Variants in INTU observed in about 807,000 individuals in gnomAD.
The protein encoded by INTU is protein inturned.
A neutral mutation model predicts 100.5 loss-of-function variants in INTU; 68 were observed. The ratio of observed to expected loss-of-function variants is 0.68; its 90% CI spans 0.56 to 0.83. INTU has a LOEUF of 0.83. Among genes scored for constraint, INTU ranks in the 40% least tolerant of loss-of-function variants. The probability of loss-of-function intolerance (pLI) is 0.00; values close to 1 mark genes in which losing one functional copy is unlikely to be tolerated. For missense variants in INTU, 1,071 were observed against 1,114.7 expected (o/e 0.96, Z 0.56); for synonymous variants, 357 against 395.7 (o/e 0.90, Z 1.16).
At position 127,726,124 on chromosome 4, in the gene INTU, A is replaced by G. The variant is rs555636629; in HGVS notation, c.*9688A>G. ...CATTATCATATGTTTAGCCCCCCCA[A>G]AATTACATTTTAGACTCTTACTTTC... On this transcript the variant is annotated 3_prime_UTR_variant, in exon 16 of 16. Coordinates refer to ENST00000335251, the MANE Select transcript of INTU (RefSeq NM_015693.4). The G allele has an allele frequency of 1.3e-5, 2 of 152,336 alleles. No homozygotes were observed. The highest frequency in any genetic ancestry group is 1.3e-4 in the Admixed American group (2 of 15,306). The allele number at this position is 152,336 out of a possible 1,614,324, so 9.4% of individuals were successfully genotyped here.
intron 8 of INTU, 48 bp downstream of exon 8, chr4:127,687,915 T>C (rs1729905090): frequency 8.1e-7 from 1 of 1,236,410 alleles, no homozygotes; most frequent in Non-Finnish European, 1.1e-6. Context: ...TGCCTTATTA[T>C]AATCTTGTAT....
chr4:127,698,531 CTTGT>C (rs1730500417), intron 8 of INTU, among the ~76,000 whole-genome samples: 1 of 150,888 alleles, frequency 6.6e-6, no homozygotes, highest in Non-Finnish European at 1.5e-5. Flanking sequence ...GTTATTTTTG[CTTGT>C]TTATTTTTAA....
At position 127,714,044 on chromosome 4, in the gene INTU, T is replaced by C; in HGVS notation, c.2668T>C (p.Trp890Arg). 2 of 1,613,636 alleles carry C rather than the reference T, an allele frequency of 1.2e-6. No individual in the cohort carries two copies. The highest frequency in any genetic ancestry group is 1.7e-6 in the Non-Finnish European group (2 of 1,179,808). The stretch of plus-strand genomic sequence containing the variant: ...GTTGTTTGAATGTTCACCTGGAAAC[T>C]GGACTGATCAGAAAAAAGCACCACC... Reference protein sequence around the residue: ...GVLFECSPGNWTDQKKAPPVM... With the variant: ...GVLFECSPGNRTDQKKAPPVM... The change falls in exon 15 of 16, where the codon TGG becomes CGG. Residue 890 changes from tryptophan to arginine, a missense_variant. Transcript: ENST00000335251.
intron 1 of INTU, among the ~76,000 whole-genome samples, chr4:127,634,045 G>A (rs1040328446): frequency 6.6e-6 from 1 of 152,140 alleles, no homozygotes; most frequent in Non-Finnish European, 1.5e-5. Flanking sequence ...GTGTATTTAG[G>A]AACAACAGTT....
rs189237954 is a variant in INTU at position 127,657,908 on chromosome 4, C to T, written c.768+1187C>T. ...TAATGTGCTTGAATCATCCTGAAAC[C>T]GTCCCCCAACCCTGGTCTGTGGAAA... On this transcript the variant is annotated intron_variant, in intron 3 of 15. Coordinates refer to ENST00000335251, the MANE Select transcript of INTU (RefSeq NM_015693.4). Among the ~76,000 whole-genome samples the T allele has an allele frequency of 3.3e-4, 50 of 151,966 alleles. No individual in the cohort carries two copies. In the East Asian group the frequency reaches 7.4e-3, roughly 22 times the overall value.
chr4:127,672,356 C>A (rs1390825612), intron 5 of INTU, among the ~76,000 whole-genome samples: 1 of 151,950 alleles, frequency 6.6e-6, no homozygotes, highest in Non-Finnish European at 1.5e-5. Flanking sequence ...TGAATGGAAT[C>A]ATATAATGTG....
chr4:127,656,555 A>T, intron 2 of INTU, 81 bp from the exon 3 acceptor site: 1 of 933,078 alleles, frequency 1.1e-6, no homozygotes, highest in Non-Finnish European at 1.7e-6. Flanking sequence ...ATGTCAGAGT[A>T]GCTGTTTAAT....
At chr4:127,687,537 C>G (rs578218175) in intron 7 of INTU, 141 bp from the exon 8 acceptor site, 2 of 643,830 alleles carry the variant, frequency 3.1e-6, no homozygotes, top group African/African-American at 1.8e-5. Flanking sequence ...CAGTAACATT[C>G]TAGCAGCAAT....
chr4:127,666,049 A>G (rs1265511140), intron 4 of INTU, among the ~76,000 whole-genome samples: 2 of 152,190 alleles, frequency 1.3e-5, no homozygotes, highest in Non-Finnish European at 1.5e-5. Flanking sequence ...TGTAAGGAAT[A>G]TGCCTTTTCT....
At chr4:127,688,693 G>A (rs1051262017) in intron 8 of INTU, among the ~76,000 whole-genome samples, 1 of 152,124 alleles carries the variant, frequency 6.6e-6, no homozygotes, top group East Asian at 1.9e-4. Context: ...TTCCTCATCT[G>A]TAAAATGGAG....
Position 127,706,910 on chromosome 4 carries a change from C to T in INTU, c.2212C>T (p.Arg738Trp), listed in dbSNP as rs774939551. Reference sequence around the variant, plus strand: ...CCCCCATACTACACCGGATGCAGTACGGAAGCAAAGAGAATCTCAGGGCTC... The same window carrying T: ...CCCCCATACTACACCGGATGCAGTATGGAAGCAAAGAGAATCTCAGGGCTC... The part of the protein sequence containing the change: ...FSPHTTPDAV[R>W]KQRESQGSDG... The change falls in exon 12 of 16, where the codon CGG becomes TGG. Residue 738 changes from arginine to tryptophan, a missense_variant. Arg to Trp is a moderately radical substitution (Grantham distance 101). Transcript: ENST00000335251. 2.9e-5 allele frequency: 47 copies of T among 1,613,808 alleles called. No individual in the cohort carries two copies. Among genetic ancestry groups the T allele is most frequent in the East Asian group, 8.9e-5 (4 of 44,894 alleles).
chr4:127,713,894 T>G, intron 14 of INTU, 42 bp from the exon 15 acceptor site: 2 of 1,376,920 alleles, frequency 1.5e-6, no homozygotes, highest in Non-Finnish European at 1.0e-6. Context: ...AAAGTAACAC[T>G]GGTAATACCA....
intron 6 of INTU, among the ~76,000 whole-genome samples, chr4:127,683,436 G>A (rs1036256537): frequency 1.3e-5 from 2 of 152,174 alleles, no homozygotes; most frequent in African/African-American, 4.8e-5. Context: ...GAGAGATCAT[G>A]CATAAGCACC....
At chr4:127,681,301 C>A (rs1729533034) in intron 6 of INTU, among the ~76,000 whole-genome samples, 1 of 152,100 alleles carries the variant, frequency 6.6e-6, no homozygotes, top group Non-Finnish European at 1.5e-5. Flanking sequence ...CCAAGTCAAT[C>A]CTAAGCCAAA....
At chr4:127,670,217 G>C (rs1433565930) in intron 5 of INTU, among the ~76,000 whole-genome samples, 1 of 151,436 alleles carries the variant, frequency 6.6e-6, no homozygotes, top group African/African-American at 2.4e-5. Flanking sequence ...AACAATTTTA[G>C]ACTTTACAAG....
intron 12 of INTU, among the ~76,000 whole-genome samples, chr4:127,708,157 A>C (rs1333438525): frequency 6.6e-6 from 1 of 152,212 alleles, no homozygotes; most frequent in East Asian, 1.9e-4. Flanking sequence ...AATAGCTCCT[A>C]AGAGAAATTG....
At chr4:127,699,300 A>G (rs1017844480) in intron 8 of INTU, 1 of 152,250 alleles carries the variant, frequency 6.6e-6, no homozygotes, top group African/African-American at 2.4e-5. Flanking sequence ...TAAATTTGGA[A>G]TGCTTCAAAG....
chr4:127,677,203 T>G (rs1467019706), intron 6 of INTU, among the ~76,000 whole-genome samples: 1 of 152,140 alleles, frequency 6.6e-6, no homozygotes, highest in Non-Finnish European at 1.5e-5. Context: ...AGCAGTAACC[T>G]CTGCAGACTT....
Position 127,716,382 on chromosome 4 carries a change from C to T in INTU, c.2775C>T (p.Val925=), listed in dbSNP as rs767255452. Reference sequence around the variant, plus strand: ...TTTATGTCTGTTTTCATGACTCAGTCACAGAAATTGCCATTGAAATAGCTT... The same window carrying T: ...TTTATGTCTGTTTTCATGACTCAGTTACAGAAATTGCCATTGAAATAGCTT... ...QELYVCFHDS[V]TEIAIEIAFK... The change falls in exon 16 of 16, where the codon GTC becomes GTT. Residue 925 remains valine, a synonymous_variant. Coordinates refer to ENST00000335251, the MANE Select transcript of INTU (RefSeq NM_015693.4). 5 of 1,591,416 alleles carry T rather than the reference C, an allele frequency of 3.1e-6. No homozygotes were observed. The East Asian group carries it at 1.1e-4, about 36-fold the overall frequency.
Sources: allele counts gnomAD v4.1 joint callset (sites outside exome capture counted in the v4.1 genomes callset), GRCh38; gene constraint gnomAD v4.1.1; transcripts MANE v1.5; gene names NCBI Gene and HGNC (gene_info 2026-07-23, HGNC 2026-07-21).